Variants in PTPRT observed in about 807,000 individuals in gnomAD.
The protein encoded by PTPRT is receptor-type tyrosine-protein phosphatase T.
Under a neutral mutation model 176.8 loss-of-function variants are expected in PTPRT, and 56 were observed. The observed-to-expected ratio is 0.32, with a 90% CI of 0.26 to 0.40. The LOEUF (loss-of-function observed/expected upper bound fraction) is 0.40. PTPRT is among the 10% of genes least tolerant of loss of function. The pLI is 1.00. For synonymous variants in PTPRT, 783 were observed against 739.0 expected, an observed-to-expected ratio of 1.06 and a Z score of -0.96; for missense variants, 1,540 against 1,908.2, an observed-to-expected ratio of 0.81 and a Z score of 3.60.
chr20:43,024,651 C>G (rs889505782), intron 1 of PTPRT, among the ~76,000 whole-genome samples: 7 of 151,386 alleles, frequency 4.6e-5, no homozygotes, highest in Non-Finnish European at 1.0e-4. Context: ...ACTTAAAATG[C>G]TTACATGAAA....
At chr20:42,828,588 C>T (rs1366098533) in intron 2 of PTPRT, among the ~76,000 whole-genome samples, 2 of 152,108 alleles carry the variant, frequency 1.3e-5, no homozygotes, top group African/African-American at 4.8e-5. Flanking sequence ...CTTTGTGGGC[C>T]AGGCCCAGGG....
At chr20:42,892,640 G>C (rs1220139997) in intron 1 of PTPRT, among the ~76,000 whole-genome samples, 1 of 152,132 alleles carries the variant, frequency 6.6e-6, no homozygotes, top group Non-Finnish European at 1.5e-5. Flanking sequence ...AGGATACGCA[G>C]AAACACCTGC....
intron 15 of PTPRT, among the ~76,000 whole-genome samples, chr20:42,233,903 C>T (rs2056186224): frequency 6.6e-6 from 1 of 152,160 alleles, no homozygotes; most frequent in South Asian, 2.1e-4. Flanking sequence ...ATCATTGCAC[C>T]TTCAACTGCA....
intron 12 of PTPRT, 135 bp from the exon 13 acceptor site, chr20:42,282,660 C>T (rs1400130764): frequency 1.4e-6 from 1 of 730,286 alleles, no homozygotes; most frequent in Non-Finnish European, 2.1e-6. Flanking sequence ...TAAATTTGCC[C>T]TTTCCATTTT....
rs376519685 is a variant in PTPRT, at chr20:42,501,772, A to G, written c.1154-29210T>C. 2.0e-4 allele frequency among the ~76,000 whole-genome samples: 30 copies of G among 152,214 alleles called. No homozygotes were observed. In the South Asian group the frequency reaches 6.2e-3, roughly 32 times the overall value. ...TTTAAAAGTGGTTATACCAATTTAT[A>G]CCCCCACTTCTCTAGCTTTGCCATG... On this transcript the variant is annotated intron_variant, in intron 7 of 30. Transcript: ENST00000373187.
chr20:42,971,337 AT>A (rs1191861663), intron 1 of PTPRT: 2 of 152,226 alleles, frequency 1.3e-5, no homozygotes, highest in African/African-American at 4.8e-5. Context: ...CCCAAATCAT[AT>A]ACCTGAGAAA....
chr20:42,086,248 C>CT (rs1018460346), intron 27 of PTPRT, among the ~76,000 whole-genome samples: 4 of 152,160 alleles, frequency 2.6e-5, no homozygotes, highest in South Asian at 2.1e-4. Context: ...CGTCACCAAG[C>CT]TTTTTTTATG....
intron 13 of PTPRT, among the ~76,000 whole-genome samples, chr20:42,271,017 C>A (rs376802058): frequency 1.3e-5 from 2 of 152,192 alleles, no homozygotes; most frequent in African/African-American, 4.8e-5. Flanking sequence ...AGCAGCCTGT[C>A]GTCTGGTCTC....
At chr20:42,365,565 T>A (rs2058502946) in intron 9 of PTPRT, among the ~76,000 whole-genome samples, 1 of 151,724 alleles carries the variant, frequency 6.6e-6, no homozygotes, top group Non-Finnish European at 1.5e-5. Flanking sequence ...AGCAGGGGTG[T>A]CCGGTCTTTT....
At chr20:43,116,062 G>T (rs959552235) in intron 1 of PTPRT, among the ~76,000 whole-genome samples, 1 of 152,154 alleles carries the variant, frequency 6.6e-6, no homozygotes, top group Admixed American at 6.5e-5. Context: ...ATCCTTGCAG[G>T]GGACTGAACT....
chr20:42,139,827 G>A (rs1317702190), intron 18 of PTPRT, among the ~76,000 whole-genome samples: 2 of 152,274 alleles, frequency 1.3e-5, no homozygotes, highest in Non-Finnish European at 2.9e-5. Flanking sequence ...CTGTGGCAGA[G>A]TGGGGGCTCC....
Position 42,077,962 on chromosome 20 carries a change from C to T in PTPRT, c.*2917G>A, listed in dbSNP as rs1982942787. 1 of 196,992 alleles carries T rather than the reference C, an allele frequency of 5.1e-6. No individual in the cohort carries two copies. Among genetic ancestry groups the T allele is most frequent in the Non-Finnish European group, 1.1e-5 (1 of 95,036 alleles). 12.2% of individuals were successfully genotyped at this position (196,992 alleles called of 1,614,324 possible). A position where few individuals can be genotyped will look rare whatever the true frequency, so the allele number is the denominator to read the frequency against. ...ATCTTAGGATTTGTGTTAAATAGCT[C>T]TCCCTCCACCCTCATCCTGTCTGGA... On this transcript the variant is annotated 3_prime_UTR_variant, in exon 31 of 31. Transcript: ENST00000373187.
the PTPRT span, among the ~76,000 whole-genome samples, chr20:42,060,130 C>G: frequency 1.3e-5 from 2 of 152,162 alleles, no homozygotes; most frequent in Non-Finnish European, 2.9e-5. Context: ...GGAGTACATT[C>G]ATCTAAAGGG....
At chr20:42,428,032 G>A (rs543991322) in intron 9 of PTPRT, among the ~76,000 whole-genome samples, 33 of 152,302 alleles carry the variant, frequency 2.2e-4, no homozygotes, top group African/African-American at 7.9e-4. Context: ...CCTGCACCCA[G>A]GTGAAATAAA....
chr20:42,224,315 C>T (rs1217409953), intron 15 of PTPRT, among the ~76,000 whole-genome samples: 1 of 152,172 alleles, frequency 6.6e-6, no homozygotes, highest in Non-Finnish European at 1.5e-5. Context: ...CTATTTCAAA[C>T]GTATGTGCTC....
intron 1 of PTPRT, among the ~76,000 whole-genome samples, chr20:43,008,081 G>T (rs980237204): frequency 6.6e-6 from 1 of 152,194 alleles, no homozygotes; most frequent in Non-Finnish European, 1.5e-5. Context: ...TTTAAAGACT[G>T]AGAAATGGCC....
intron 5 of PTPRT, among the ~76,000 whole-genome samples, chr20:42,770,466 C>T (rs1021055568): frequency 2.6e-5 from 4 of 152,112 alleles, no homozygotes; most frequent in Admixed American, 6.6e-5. Context: ...TTCTATGTGT[C>T]GCCCTCTGTC....
chr20:42,844,976 C>G (rs138298917), intron 2 of PTPRT, among the ~76,000 whole-genome samples: 1 of 152,302 alleles, frequency 6.6e-6, no homozygotes, highest in Non-Finnish European at 1.5e-5. Flanking sequence ...CAAGAACCAG[C>G]CCTCTGGGAG....
intron 1 of PTPRT, among the ~76,000 whole-genome samples, chr20:43,083,987 T>C (rs1226147298): frequency 6.6e-6 from 1 of 152,232 alleles, no homozygotes; most frequent in Non-Finnish European, 1.5e-5. Context: ...ATTTCCTTGC[T>C]GAATCGTATT....
Sources: gnomAD v4.1 joint callset for allele counts (sites outside exome capture counted in the v4.1 genomes callset) on GRCh38, gnomAD v4.1.1 for gene constraint, MANE v1.5 for transcripts, NCBI Gene and HGNC (gene_info 2026-07-23, HGNC 2026-07-21) for gene names.